The following ANO1 variants were observed in gnomAD, a reference collection of about 807,000 sequenced individuals.
ANO1 encodes the protein anoctamin 1, also known as anoctamin-1.
ANO1 carries 59 observed loss-of-function variants against 124.0 expected under a neutral mutation model. The ratio of observed to expected loss-of-function variants is 0.48; its 90% CI spans 0.39 to 0.59. The LOEUF is 0.59. Among genes scored for constraint, ANO1 ranks in the 20% least tolerant of loss-of-function variants. ANO1 has a pLI of 0.00. For missense variants in ANO1, 1,059 were observed against 1,328.0 expected (o/e 0.80, Z 3.15); for synonymous variants, 529 against 532.0 (o/e 0.99, Z 0.08).
chr11:69,976,008 C>T, the ANO1 span, among the ~76,000 whole-genome samples: 1 of 152,112 alleles, frequency 6.6e-6, no homozygotes, highest in Non-Finnish European at 1.5e-5. Context: ...CCTTAGGGAC[C>T]GTGCCCGCCT....
chr11:70,076,064 C>T (rs934816918), upstream of ANO1, among the ~76,000 whole-genome samples: 1 of 152,200 alleles, frequency 6.6e-6, no homozygotes, highest in African/African-American at 2.4e-5. Context: ...ATTTCCTCTG[C>T]CCTTGCTGTG....
chr11:69,982,015 C>A (rs1049990037), upstream of ANO1, among the ~76,000 whole-genome samples: 8 of 152,082 alleles, frequency 5.3e-5, no homozygotes, highest in Non-Finnish European at 1.0e-4. Flanking sequence ...CCAATGGTTG[C>A]CAGGGACTGG....
intron 11 of ANO1, among the ~76,000 whole-genome samples, chr11:70,145,962 A>G (rs3889553): frequency 0.071 from 9,338 of 131,864 alleles, 885 homozygotes; most frequent in African/African-American, 0.22. Context: ...AAAAAAAAAA[A>G]AAAGAAAGAA....
chr11:70,008,148 A>G (rs1555000403), intron 1 of ANO1, among the ~76,000 whole-genome samples: 1 of 152,130 alleles, frequency 6.6e-6, no homozygotes, highest in African/African-American at 2.4e-5. Flanking sequence ...CTTTATATAT[A>G]TTAGATATTA....
At chr11:69,989,827 T>C (rs1856119619) in intron 1 of ANO1, among the ~76,000 whole-genome samples, 1 of 151,964 alleles carries the variant, frequency 6.6e-6, no homozygotes, top group African/African-American at 2.4e-5. Flanking sequence ...TGCCAGCACA[T>C]GGAATGTAGG....
chr11:70,016,413 T>A (rs1856704937), intron 1 of ANO1: 1 of 152,224 alleles, frequency 6.6e-6, no homozygotes, highest in South Asian at 2.1e-4. Flanking sequence ...CAATCGGATA[T>A]GGTGGCGGCT....
At chr11:70,035,561 G>A (rs1383365469) in intron 1 of ANO1, among the ~76,000 whole-genome samples, 1 of 147,876 alleles carries the variant, frequency 6.8e-6, no homozygotes, top group Non-Finnish European at 1.5e-5. Context: ...GGATACATAT[G>A]CAGAACGTGC....
At chr11:70,054,256 T>C (rs114252457) in intron 1 of ANO1, among the ~76,000 whole-genome samples, 2 of 152,154 alleles carry the variant, frequency 1.3e-5, no homozygotes, top group African/African-American at 4.8e-5. Flanking sequence ...GCCTAGATGT[T>C]AATGGACCCC....
At chr11:70,033,667 T>C (rs1289834664) in intron 1 of ANO1, among the ~76,000 whole-genome samples, 2 of 152,020 alleles carry the variant, frequency 1.3e-5, no homozygotes, top group Admixed American at 1.3e-4. Flanking sequence ...GATGCCTGCC[T>C]TCAAGGAACT....
At chr11:70,117,205 G>C (rs1288079518) in intron 8 of ANO1, among the ~76,000 whole-genome samples, 1 of 142,224 alleles carries the variant, frequency 7.0e-6, no homozygotes, top group Non-Finnish European at 1.5e-5. Context: ...AGAGTAGCTT[G>C]GATTACAGGT....
At chr11:70,168,651 C>T (rs761129289) in intron 21 of ANO1, among the ~76,000 whole-genome samples, 2 of 152,184 alleles carry the variant, frequency 1.3e-5, no homozygotes, top group Non-Finnish European at 2.9e-5. Flanking sequence ...TCCCAGCATG[C>T]AGTGCCCTGG....
At chr11:70,161,561 G>T in intron 17 of ANO1, 61 bp from the exon 18 acceptor site, 1 of 1,565,280 alleles carries the variant, frequency 6.4e-7, no homozygotes, top group Non-Finnish European at 8.8e-7. Context: ...CCAGAAGCTG[G>T]ACCAGGCTGT....
chr11:70,113,622 C>T (rs1394445622), intron 7 of ANO1, among the ~76,000 whole-genome samples: 1 of 152,130 alleles, frequency 6.6e-6, no homozygotes, highest in Non-Finnish European at 1.5e-5. Flanking sequence ...TACATCCATG[C>T]TCCTGATTGA....
At chr11:70,053,648 A>G (rs1857388174) in intron 1 of ANO1, among the ~76,000 whole-genome samples, 1 of 152,168 alleles carries the variant, frequency 6.6e-6, no homozygotes, top group Non-Finnish European at 1.5e-5. Context: ...TATAAGATAT[A>G]TGTATATTTA....
intron 6 of ANO1, among the ~76,000 whole-genome samples, chr11:70,109,688 G>A (rs550134922): frequency 6.6e-6 from 1 of 152,322 alleles, no homozygotes; most frequent in South Asian, 2.1e-4. Flanking sequence ...CCGGGTCTTG[G>A]ACCTCGGTTT....
intron 8 of ANO1, among the ~76,000 whole-genome samples, chr11:70,121,431 A>T (rs111170230): frequency 0.022 from 745 of 33,700 alleles, 1 homozygote; most frequent in Middle Eastern, 0.048. Flanking sequence ...CCTCTCTGTC[A>T]GTCTCTCTGT....
intron 25 of ANO1, among the ~76,000 whole-genome samples, chr11:70,187,306 G>T (rs1450112266): frequency 1.3e-5 from 2 of 152,214 alleles, no homozygotes; most frequent in African/African-American, 2.4e-5. Flanking sequence ...CTATCCACCA[G>T]AAATGTCTCC....
intron 20 of ANO1, among the ~76,000 whole-genome samples, chr11:70,166,572 C>T (rs1419700244): frequency 6.6e-6 from 1 of 152,168 alleles, no homozygotes; most frequent in African/African-American, 2.4e-5. Flanking sequence ...TGCTGGGTCT[C>T]TGGAGTCAAG....
At chr11:69,974,886 CTAA>C in the ANO1 span, among the ~76,000 whole-genome samples, 719 of 78,598 alleles carry the variant, frequency 9.1e-3, 16 homozygotes, top group African/African-American at 0.027. Flanking sequence ...GCCTCCGTCT[CTAA>C]AAAAAAAAAA....
Sources: gnomAD v4.1 joint callset for allele counts (sites outside exome capture counted in the v4.1 genomes callset) on GRCh38, gnomAD v4.1.1 for gene constraint, MANE v1.5 for transcripts, NCBI Gene and HGNC (gene_info 2026-07-23, HGNC 2026-07-21) for gene names.